KPNA4: variants seen among roughly 807,000 people sequenced by gnomAD.
KPNA4 encodes the protein importin subunit alpha-3.
KPNA4 carries 13 observed loss-of-function variants against 71.3 expected under a neutral mutation model. The ratio of observed to expected loss-of-function variants is 0.18; its 90% confidence interval spans 0.12 to 0.29. The LOEUF (loss-of-function observed/expected upper bound fraction) is 0.29. Ranked by LOEUF, KPNA4 falls within the 10% of genes least tolerant of loss-of-function variation. The pLI is 1.00. For missense variants in KPNA4, 334 were observed against 603.2 expected, an observed-to-expected ratio of 0.55 and a Z score of 4.67; for synonymous variants, 189 against 195.2, an observed-to-expected ratio of 0.97 and a Z score of 0.26.
intron 5 of KPNA4, among the ~76,000 whole-genome samples, chr3:160,533,945 A>AT (rs1044735870): frequency 1.3e-5 from 2 of 152,158 alleles, no homozygotes; most frequent in African/African-American, 4.8e-5. Flanking sequence ...AGCATAATCG[A>AT]TTTCTTAATC....
intron 1 of KPNA4, among the ~76,000 whole-genome samples, chr3:160,543,201 T>G (rs1321850409): frequency 6.6e-6 from 1 of 152,226 alleles, no homozygotes; most frequent in Non-Finnish European, 1.5e-5. Flanking sequence ...ATGGTTATAC[T>G]ACTCTACTAG....
At chr3:160,564,833 G>A (rs1722307052) in intron 1 of KPNA4, among the ~76,000 whole-genome samples, 1 of 151,514 alleles carries the variant, frequency 6.6e-6, no homozygotes, top group Non-Finnish European at 1.5e-5. Flanking sequence ...AGCGAGAGCC[G>A]GAATCTCCGC....
rs1386831324 is a variant in KPNA4 at position 160,535,759 on chromosome 3, C to A, written c.204+49G>T. The A allele has an allele frequency of 1.9e-6, 3 of 1,562,650 alleles. No individual in the cohort carries two copies. In the African/African-American group the frequency reaches 4.2e-5, roughly 22 times the overall value. ...TAAAATTCTCTTATTAATGTGAAATCTTTCACTCGTACTTTTAAGTTACCA... is the reference window on the plus strand; with the variant it reads ...TAAAATTCTCTTATTAATGTGAAATATTTCACTCGTACTTTTAAGTTACCA... On this transcript the variant is annotated intron_variant, in intron 3 of 16. Coordinates refer to ENST00000334256, the MANE Select transcript of KPNA4 (RefSeq NM_002268.5).
intron 12 of KPNA4, chr3:160,515,193 C>T (rs758427522): frequency 1.8e-6 from 1 of 558,420 alleles, no homozygotes; most frequent in Non-Finnish European, 3.5e-6. Flanking sequence ...AATTTCCAGT[C>T]ATACAACATT....
chr3:160,516,435 A>T (rs935435187), intron 11 of KPNA4, among the ~76,000 whole-genome samples: 1 of 117,244 alleles, frequency 8.5e-6, no homozygotes, highest in Non-Finnish European at 1.9e-5. Flanking sequence ...AATTTTAGAT[A>T]GTGCCATAAA....
Position 160,498,093 on chromosome 3 carries a change from C to T in KPNA4, c.*4011G>A, listed in dbSNP as rs1164039639. Reference sequence around the variant, plus strand: ...GAGTTGAGATGTGGGCTTTATTTGGCCCTTAGTAGCTGTGTGACCTTGGGC... The same window carrying T: ...GAGTTGAGATGTGGGCTTTATTTGGTCCTTAGTAGCTGTGTGACCTTGGGC... On this transcript the variant is annotated 3_prime_UTR_variant, in exon 17 of 17. Coordinates refer to ENST00000334256, the MANE Select transcript of KPNA4 (RefSeq NM_002268.5). The T allele has an allele frequency of 3.3e-5, 5 of 152,116 alleles. No homozygotes were observed. 9.4% of individuals were successfully genotyped at this position (152,116 alleles called of 1,614,324 possible).
In KPNA4 at chr3:160,502,047, CACAT is replaced by C; in HGVS notation, c.*53_*56del. 26 of 593,442 alleles carry C rather than the reference CACAT, an allele frequency of 4.4e-5. No homozygotes were observed. The highest frequency in any genetic ancestry group is 8.7e-5 in the South Asian group (3 of 34,326). 36.8% of individuals were successfully genotyped at this position (593,442 alleles called of 1,614,324 possible). ...GTATATATATATATATATACACACA[CACAT>C]ATATATATATATATCTCAGTGCTGC... On this transcript the variant is annotated 3_prime_UTR_variant, in exon 17 of 17. Coordinates refer to ENST00000334256, the MANE Select transcript of KPNA4 (RefSeq NM_002268.5).
rs545985094 is a variant in KPNA4, at chr3:160,562,248, G to A, written c.69+2966C>T. Among the ~76,000 whole-genome samples, 42 of 152,220 alleles carry A rather than the reference G, an allele frequency of 2.8e-4. No homozygotes were observed. In the South Asian group the frequency reaches 6.0e-3, roughly 22 times the overall value. ...GTAAAATACAAACTGGATTTTGAAC[G>A]TATGAAAGGAATAATATGAAACGTC... On this transcript the variant is annotated intron_variant, in intron 1 of 16. Transcript: ENST00000334256.
chr3:160,496,169 T>C lies in KPNA4; in HGVS notation c.*5935A>G, dbSNP rs1398968231. On this transcript the variant is annotated 3_prime_UTR_variant, in exon 17 of 17. Coordinates refer to ENST00000334256, the MANE Select transcript of KPNA4 (RefSeq NM_002268.5). ...CGGGCGTGGTGGTGCACGCTTGTGG[T>C]CCCAGCTACTCAGGAGGCTGAGGCA... 6.6e-6 allele frequency: 1 copy of C among 152,298 alleles called. No individual in the cohort carries two copies. Among genetic ancestry groups the C allele is most frequent in the Non-Finnish European group, 1.5e-5 (1 of 68,230 alleles). 9.4% of individuals were successfully genotyped at this position (152,298 alleles called of 1,614,324 possible).
chr3:160,513,247 T>TG, intron 13 of KPNA4, among the ~76,000 whole-genome samples: 2 of 134,632 alleles, frequency 1.5e-5, no homozygotes, highest in South Asian at 2.4e-4. Flanking sequence ...TTCTACTTTG[T>TG]GGTTTTTTTT....
chr3:160,539,702 T>A (rs893534866), intron 1 of KPNA4, among the ~76,000 whole-genome samples: 8 of 152,184 alleles, frequency 5.3e-5, no homozygotes, highest in African/African-American at 1.9e-4. Context: ...GAAAACAATA[T>A]CTGTAGGATG....
intron 1 of KPNA4, among the ~76,000 whole-genome samples, chr3:160,541,199 T>C (rs1462591433): frequency 6.6e-6 from 1 of 152,196 alleles, no homozygotes; most frequent in Non-Finnish European, 1.5e-5. Flanking sequence ...CAACACATGG[T>C]TTTTCTTTAA....
chr3:160,555,193 T>C (rs1484883463), intron 1 of KPNA4, among the ~76,000 whole-genome samples: 3 of 152,230 alleles, frequency 2.0e-5, no homozygotes. Context: ...CCCCCACACA[T>C]CTGGTGTCAG....
Position 160,495,058 on chromosome 3 carries a change from G to C in KPNA4, c.*7046C>G, listed in dbSNP as rs542689216. ...CCCATAGAACTCATGGTACCTTCAC[G>C]GTGTTTACAGAACTTTGCTTATATG... On this transcript the variant is annotated 3_prime_UTR_variant, in exon 17 of 17. Transcript: ENST00000334256. 6.6e-6 allele frequency: 1 copy of C among 152,216 alleles called. No homozygotes were observed. The highest frequency in any genetic ancestry group is 2.1e-4 in the South Asian group (1 of 4,824). The allele number at this position is 152,216 out of a possible 1,614,324, so 9.4% of individuals were successfully genotyped here.
At chr3:160,560,145 T>C (rs1722212458) in intron 1 of KPNA4, among the ~76,000 whole-genome samples, 1 of 152,098 alleles carries the variant, frequency 6.6e-6, no homozygotes, top group African/African-American at 2.4e-5. Context: ...TTCATCAAAT[T>C]TGAGACTGGC....
At chr3:160,518,914 G>A (rs1721289281) in intron 11 of KPNA4, among the ~76,000 whole-genome samples, 1 of 152,132 alleles carries the variant, frequency 6.6e-6, no homozygotes, top group Non-Finnish European at 1.5e-5. Flanking sequence ...GTTTATTTCT[G>A]AACTCGATTC....
At chr3:160,545,268 C>T (rs1387114383) in intron 1 of KPNA4, among the ~76,000 whole-genome samples, 3 of 152,150 alleles carry the variant, frequency 2.0e-5, no homozygotes, top group Non-Finnish European at 4.4e-5. Flanking sequence ...TTTGCCAAAG[C>T]ACTATTTTAA....
intron 11 of KPNA4, among the ~76,000 whole-genome samples, chr3:160,517,620 A>G (rs1199755982): frequency 1.3e-5 from 2 of 152,006 alleles, no homozygotes; most frequent in African/African-American, 4.8e-5. Flanking sequence ...ACCCTCACCA[A>G]AAGTATGTTA....
At chr3:160,531,349 C>T (rs1577055032) in intron 6 of KPNA4, 113 bp downstream of exon 6, 1 of 538,298 alleles carries the variant, frequency 1.9e-6, no homozygotes, top group Non-Finnish European at 3.1e-6. Flanking sequence ...CTTTTCAACT[C>T]CATCCCATAG....
Sources: allele counts gnomAD v4.1 joint callset (sites outside exome capture counted in the v4.1 genomes callset), GRCh38; gene constraint gnomAD v4.1.1; transcripts MANE v1.5; gene names NCBI Gene and HGNC (gene_info 2026-07-23, HGNC 2026-07-21).